The following NCK2 variants were observed in gnomAD, a reference collection of about 807,000 sequenced individuals.
The protein encoded by NCK2 is NCK adaptor protein 2.
NCK2 carries 16 observed loss-of-function variants against 33.9 expected under a neutral mutation model. The observed-to-expected ratio is 0.47, with a 90% CI of 0.32 to 0.72. NCK2 has a LOEUF of 0.72. Among genes scored for constraint, NCK2 ranks in the 30% least tolerant of loss-of-function variants. NCK2 has a pLI of 0.03. For missense variants in NCK2, 418 were observed against 537.3 expected (o/e 0.78, Z 2.19); for synonymous variants, 273 against 239.9 (o/e 1.14, Z -1.27).
At chr2:105,800,562 T>C (rs1674789269) in intron 1 of NCK2, among the ~76,000 whole-genome samples, 2 of 152,150 alleles carry the variant, frequency 1.3e-5, no homozygotes, top group Non-Finnish European at 2.9e-5. Flanking sequence ...GATTAGCCCA[T>C]AGAAGGCGGA....
At chr2:105,812,302 A>T (rs940300046) in intron 1 of NCK2, among the ~76,000 whole-genome samples, 1 of 152,200 alleles carries the variant, frequency 6.6e-6, no homozygotes, top group Admixed American at 6.5e-5. Context: ...TCGGATTGAT[A>T]AACACATCTA....
intron 3 of NCK2, among the ~76,000 whole-genome samples, chr2:105,876,820 G>A (rs900346510): frequency 2.6e-5 from 4 of 152,128 alleles, no homozygotes; most frequent in African/African-American, 9.7e-5. Flanking sequence ...CTGGGATCTG[G>A]GTGCCGCCTC....
At chr2:105,836,990 G>A (rs1190690473) in intron 2 of NCK2, among the ~76,000 whole-genome samples, 1 of 152,204 alleles carries the variant, frequency 6.6e-6, no homozygotes, top group Non-Finnish European at 1.5e-5. Flanking sequence ...GGCATCTGTG[G>A]TGTGAATGTG....
chr2:105,789,877 C>T (rs1388899837), intron 1 of NCK2, among the ~76,000 whole-genome samples: 1 of 152,236 alleles, frequency 6.6e-6, no homozygotes, highest in African/African-American at 2.4e-5. Context: ...CCAGGGCACA[C>T]CTCACCATCA....
In NCK2 at chr2:105,881,902, A is replaced by G; in HGVS notation, c.801A>G (p.Pro267=). The G allele has an allele frequency of 6.4e-7, 1 of 1,569,486 alleles. No homozygotes were observed. The highest frequency in any genetic ancestry group is 8.6e-7 in the Non-Finnish European group (1 of 1,158,264). The part of the protein sequence containing the change: ...DGPALHPAHA[P]QISYTGPSSS... Reference sequence around the variant, plus strand: ...CTGCCCTGCACCCTGCGCACGCCCCACAGATAAGCTACACCGGGCCCTCGT... The same window carrying G: ...CTGCCCTGCACCCTGCGCACGCCCCGCAGATAAGCTACACCGGGCCCTCGT... Residue 267 remains proline (P), a synonymous_variant, in exon 4 of 5, where the codon CCA becomes CCG. Coordinates refer to ENST00000233154, the MANE Select transcript of NCK2 (RefSeq NM_003581.5).
intron 1 of NCK2, among the ~76,000 whole-genome samples, chr2:105,756,757 T>C (rs1289587047): frequency 6.6e-6 from 1 of 152,250 alleles, no homozygotes; most frequent in Non-Finnish European, 1.5e-5. Context: ...ACGCAGTGAC[T>C]GCTTGGCTTT....
chr2:105,785,257 C>T (rs777264543), intron 1 of NCK2, among the ~76,000 whole-genome samples: 73 of 152,320 alleles, frequency 4.8e-4, no homozygotes, highest in Non-Finnish European at 9.1e-4. Flanking sequence ...GGATTACAGG[C>T]GTGAGCGGCA....
At chr2:105,819,108 G>A (rs1332229943) in intron 2 of NCK2, among the ~76,000 whole-genome samples, 1 of 152,022 alleles carries the variant, frequency 6.6e-6, no homozygotes, top group African/African-American at 2.4e-5. Flanking sequence ...GCTCCTGGTC[G>A]GCAGTCGGGG....
chr2:105,793,764 G>A (rs879307554), intron 1 of NCK2, among the ~76,000 whole-genome samples: 7 of 152,144 alleles, frequency 4.6e-5, no homozygotes, highest in Non-Finnish European at 5.9e-5. Context: ...CTCTTGCCAC[G>A]TGCCTGTAGT....
At chr2:105,789,132 C>T (rs1035349291) in intron 1 of NCK2, among the ~76,000 whole-genome samples, 5 of 152,134 alleles carry the variant, frequency 3.3e-5, no homozygotes, top group Non-Finnish European at 5.9e-5. Context: ...CCTCGGCTCC[C>T]ATAGCGGGTG....
intron 2 of NCK2, among the ~76,000 whole-genome samples, chr2:105,852,051 G>A (rs188283550): frequency 6.6e-6 from 1 of 151,334 alleles, no homozygotes; most frequent in African/African-American, 2.4e-5. Flanking sequence ...TAGAATCTTA[G>A]AATTCTGAGT....
chr2:105,794,045 A>ATTTTTTTTTTTT (rs554091969), intron 1 of NCK2, among the ~76,000 whole-genome samples: 1 of 109,558 alleles, frequency 9.1e-6, no homozygotes, highest in Non-Finnish European at 2.0e-5. Context: ...GTATCTTTCG[A>ATTTTTTTTTTTT]TTTTTTTTTT....
At chr2:105,746,288 A>G (rs1484096557) in intron 1 of NCK2, among the ~76,000 whole-genome samples, 1 of 152,228 alleles carries the variant, frequency 6.6e-6, no homozygotes, top group Non-Finnish European at 1.5e-5. Flanking sequence ...CCCTCGACCC[A>G]GAAAGAAACA....
chr2:105,870,041 G>C (rs751947127), intron 3 of NCK2, among the ~76,000 whole-genome samples: 2 of 152,116 alleles, frequency 1.3e-5, no homozygotes, highest in East Asian at 3.9e-4. Flanking sequence ...TGTGGTGGTC[G>C]GGAGGGTGGG....
intron 2 of NCK2, among the ~76,000 whole-genome samples, chr2:105,827,567 C>T (rs1676001298): frequency 6.6e-6 from 1 of 152,172 alleles, no homozygotes; most frequent in Non-Finnish European, 1.5e-5. Context: ...TCTTTTTAGG[C>T]ACCCACAGAG....
rs72078626 is a variant in NCK2 at position 105,774,020 on chromosome 2, T to TTC, written c.-201+28883_-201+28884insCT. Among the ~76,000 whole-genome samples, 949 of 151,572 alleles carry TTC rather than the reference T, an allele frequency of 6.3e-3. 14 individuals carry two copies. Among genetic ancestry groups the TTC allele is most frequent in the African/African-American group, 0.022 (899 of 41,360 alleles). ...GGATTTTTCCAGCTATCTTTTTTTT[T>TTC]TTTTTTGAGACGGAGTCTCGCCCTG... On this transcript the variant is annotated intron_variant, in intron 1 of 4. Coordinates refer to ENST00000233154, the MANE Select transcript of NCK2 (RefSeq NM_003581.5).
chr2:105,847,616 G>A (rs1676902086), intron 2 of NCK2, among the ~76,000 whole-genome samples: 1 of 152,106 alleles, frequency 6.6e-6, no homozygotes, highest in South Asian at 2.1e-4. Flanking sequence ...CAGGGTGGGA[G>A]AGGGGCCTGG....
Position 105,881,707 on chromosome 2 carries a change from G to A in NCK2, c.606G>A (p.Thr202=), listed in dbSNP as rs765658364. The change falls in exon 4 of 5, where the codon ACG becomes ACA. Residue 202 remains threonine, a synonymous_variant. Transcript: ENST00000233154. Reference sequence around the variant, plus strand: ...CCCGCGTGCTGCATGTGGTCCAGACGCTGTACCCCTTCAGCTCAGTCACCG... The same window carrying A: ...CCCGCGTGCTGCATGTGGTCCAGACACTGTACCCCTTCAGCTCAGTCACCG... ...QGSRVLHVVQ[T]LYPFSSVTEE... 99 of 1,614,080 alleles carry A rather than the reference G, an allele frequency of 6.1e-5. No individual in the cohort carries two copies. The highest frequency in any genetic ancestry group is 8.1e-5 in the Non-Finnish European group (96 of 1,180,040).
At chr2:105,839,562 G>C (rs1030697477) in intron 2 of NCK2, among the ~76,000 whole-genome samples, 1 of 152,204 alleles carries the variant, frequency 6.6e-6, no homozygotes, top group Admixed American at 6.5e-5. Flanking sequence ...AGGGCAGACT[G>C]CGGGAGGCAC....
Sources: allele counts gnomAD v4.1 joint callset (sites outside exome capture counted in the v4.1 genomes callset), GRCh38; gene constraint gnomAD v4.1.1; transcripts MANE v1.5; gene names NCBI Gene and HGNC (gene_info 2026-07-23, HGNC 2026-07-21).